KDM5A: variants seen among roughly 807,000 people sequenced by gnomAD.
KDM5A encodes lysine-specific demethylase 5A.
A neutral mutation model predicts 193.5 loss-of-function variants in KDM5A; 42 were observed. That is an observed-to-expected ratio of 0.22 (90% CI 0.17 to 0.28). The LOEUF (loss-of-function observed/expected upper bound fraction) is 0.28. Among genes scored for constraint, KDM5A ranks in the 10% least tolerant of loss-of-function variants. KDM5A has a pLI of 1.00. For missense variants in KDM5A, 1,692 were observed against 2,055.1 expected (o/e 0.82, Z 3.42); for synonymous variants, 796 against 718.1 (o/e 1.11, Z -1.73).
intron 19 of KDM5A, among the ~76,000 whole-genome samples, chr12:315,963 C>A (rs576891945): frequency 2.6e-5 from 4 of 152,010 alleles, no homozygotes; most frequent in African/African-American, 9.6e-5. Context: ...GCAAACAGAG[C>A]CAAGAAATTA....
At position 307,872 on chromosome 12, in the gene KDM5A, C is replaced by A. The variant is rs560791888; in HGVS notation, c.3512G>T (p.Ser1171Ile). 9 of 1,614,150 alleles carry A rather than the reference C, an allele frequency of 5.6e-6. No homozygotes were observed. In the South Asian group the frequency reaches 8.8e-5, roughly 16 times the overall value. The change falls in exon 23 of 28, where the codon AGT (serine) becomes ATT (isoleucine). Residue 1171 changes from serine to isoleucine, a missense_variant. Physicochemically the swap from Ser to Ile is moderately radical, Grantham distance 142. Around this residue, in one of 11 missense-constraint regions of KDM5A, gnomAD observed 965 missense variants for 1,061.0 expected, o/e 0.91. Transcript: ENST00000399788. This position sits in a 1 kb window ranked among gnomAD's most constrained non-coding sequence, Gnocchi z 4.3. ...VKFCICRKTA[S>I]GFMLQCELCK... ...GAGCTCACACTGTAGCATAAACCCACTGGCTGTCTTGCGGCAAATGCAAAA... is the reference window on the plus strand; with the variant it reads ...GAGCTCACACTGTAGCATAAACCCAATGGCTGTCTTGCGGCAAATGCAAAA...
Position 356,677 on chromosome 12 carries a change from C to T in KDM5A, c.673-140G>A, listed in dbSNP as rs948865560. ...TCTTTTCTGTAAATCCACTCACTGC[C>T]TCATTACCACAGTTGAAAACGGTCA... On this transcript the variant is annotated intron_variant, in intron 5 of 27. Transcript: ENST00000399788. 9.5e-5 allele frequency: 63 copies of T among 663,980 alleles called. 1 individual carries two copies. Among genetic ancestry groups the T allele is most frequent in the African/African-American group, 9.2e-4 (51 of 55,484 alleles). 41.1% of individuals were successfully genotyped at this position (663,980 alleles called of 1,614,324 possible).
At position 294,048 on chromosome 12, in the gene KDM5A, G is replaced by A. The variant is rs117382150; in HGVS notation, c.4456-879C>T. Among the ~76,000 whole-genome samples the A allele has an allele frequency of 3.1e-3, 477 of 152,040 alleles. 11 individuals carry two copies. The East Asian group carries it at 0.062, about 20-fold the overall frequency. ...GTACTAAATTATGTTAATAACTTTT[G>A]GGATCTTCATAATAATAAAAGTATT... On this transcript the variant is annotated intron_variant, in intron 26 of 27. Coordinates refer to ENST00000399788, the MANE Select transcript of KDM5A (RefSeq NM_001042603.3).
chr12:359,079 C>T (rs1944262610), intron 5 of KDM5A, among the ~76,000 whole-genome samples: 1 of 151,402 alleles, frequency 6.6e-6, no homozygotes, highest in African/African-American at 2.4e-5. Context: ...CAGTCTTAAA[C>T]ACTTCAATAA....
At chr12:328,050 A>AT (rs1372646361) in intron 14 of KDM5A, among the ~76,000 whole-genome samples, 1 of 152,204 alleles carries the variant, frequency 6.6e-6, no homozygotes, top group Non-Finnish European at 1.5e-5. Context: ...GAAGGACCAT[A>AT]TAAGGGCATG....
chr12:385,821 G>T, intron 2 of KDM5A, 76 bp downstream of exon 2: 2 of 1,065,846 alleles, frequency 1.9e-6, no homozygotes, highest in Non-Finnish European at 2.9e-6. Context: ...TGGTACATGA[G>T]CTTCTCAAAG....
intron 24 of KDM5A, among the ~76,000 whole-genome samples, chr12:302,657 A>G (rs914531350): frequency 1.3e-5 from 2 of 152,254 alleles, no homozygotes; most frequent in African/African-American, 4.8e-5. Flanking sequence ...CAAAAAAGGC[A>G]AAATAGACAA....
intron 10 of KDM5A, among the ~76,000 whole-genome samples, chr12:338,026 A>G (rs1943955765): frequency 6.6e-6 from 1 of 152,200 alleles, no homozygotes; most frequent in Non-Finnish European, 1.5e-5. Context: ...CTGACCCATC[A>G]ATCTTTAAAT....
intron 22 of KDM5A, among the ~76,000 whole-genome samples, chr12:309,186 C>G (rs750918055): frequency 6.6e-6 from 1 of 152,182 alleles, no homozygotes; most frequent in Non-Finnish European, 1.5e-5. Context: ...AACATCTTTA[C>G]GTTCAGTGTA....
At position 295,780 on chromosome 12, in the gene KDM5A, T is replaced by C. The variant is rs777007180; in HGVS notation, c.4248A>G (p.Pro1416=). ...AAGGGCTCTTCCGAGGTTGTTTCCT[T>C]GGGGTGCTAGAACCTTTCCCAAAAA... ...SKSCSQGSST[P]RKQPRKSPLV... The change falls in exon 26 of 28, where the codon CCA becomes CCG. Residue 1416 remains proline (P), a synonymous_variant. Coordinates refer to ENST00000399788, the MANE Select transcript of KDM5A (RefSeq NM_001042603.3). 6.2e-7 allele frequency: 1 copy of C among 1,614,054 alleles called. No individual in the cohort carries two copies. The highest frequency in any genetic ancestry group is 8.5e-7 in the Non-Finnish European group (1 of 1,179,950).
At position 336,702 on chromosome 12, in the gene KDM5A, G is replaced by A. The variant is rs369747540; in HGVS notation, c.1309-2280C>T. 3.9e-5 allele frequency among the ~76,000 whole-genome samples: 6 copies of A among 151,956 alleles called. 1 individual carries two copies. In the South Asian group the frequency reaches 1.0e-3, roughly 26 times the overall value. ...GTAAAAATACAAAAATCAGCCAAGC[G>A]TGGTGGTGCATGCCTGTGGCCCCAG... On this transcript the variant is annotated intron_variant, in intron 10 of 27. Coordinates refer to ENST00000399788, the MANE Select transcript of KDM5A (RefSeq NM_001042603.3).
In KDM5A at chr12:306,964, T is replaced by C. The variant is rs1420238570; in HGVS notation, c.4056A>G (p.Thr1352=). ...TAACTACCTTCATGTCGTAGCCATA[T>C]GTCTCTCGAATGTCTTCATCAGAGT... ...ETDSDEDIRE[T]YGYDMKDTAS... is the part of the protein sequence containing the mutation. Residue 1352 remains threonine, a synonymous_variant, in exon 24 of 28, where the codon ACA becomes ACG. Transcript: ENST00000399788. 1 of 1,613,826 alleles carries C rather than the reference T, an allele frequency of 6.2e-7. No homozygotes were observed. Among genetic ancestry groups the C allele is most frequent in the Non-Finnish European group, 8.5e-7 (1 of 1,179,964 alleles).
chr12:359,999 G>C (rs1476516910), intron 5 of KDM5A, among the ~76,000 whole-genome samples: 1 of 151,984 alleles, frequency 6.6e-6, no homozygotes, highest in Admixed American at 6.6e-5. Context: ...ATTTGGGCCG[G>C]GTGTGATGGC....
At chr12:378,723 C>T (rs994123016) in intron 3 of KDM5A, among the ~76,000 whole-genome samples, 5 of 152,172 alleles carry the variant, frequency 3.3e-5, no homozygotes, top group Non-Finnish European at 7.4e-5. Flanking sequence ...CTTTGGGAGG[C>T]CAAGGCGGGC....
Position 282,277 on chromosome 12 carries a change from A to G in KDM5A, c.*3179T>C, listed in dbSNP as rs1943164087. On this transcript the variant is annotated 3_prime_UTR_variant, in exon 28 of 28. Transcript: ENST00000399788. ...ACTTCAGCCTCCTGACCACAGGTGC[A>G]CTCTACTGCACCTGGCTGCCATGTT... 1 of 234,004 alleles carries G rather than the reference A, an allele frequency of 4.3e-6. No individual in the cohort carries two copies. Among genetic ancestry groups the G allele is most frequent in the Non-Finnish European group, 8.4e-6 (1 of 118,564 alleles). The allele number at this position is 234,004 out of a possible 1,614,324, so 14.5% of individuals were successfully genotyped here. A position where few individuals can be genotyped will look rare whatever the true frequency, so the allele number is the denominator to read the frequency against.
intron 3 of KDM5A, among the ~76,000 whole-genome samples, chr12:383,091 G>A (rs1944594411): frequency 6.6e-6 from 1 of 151,770 alleles, no homozygotes; most frequent in Non-Finnish European, 1.5e-5. Flanking sequence ...TGAGCTGTTT[G>A]GTCATCCTAC....
At chr12:386,381 G>GA (rs1240683836) in intron 1 of KDM5A, among the ~76,000 whole-genome samples, 1 of 152,194 alleles carries the variant, frequency 6.6e-6, no homozygotes, top group African/African-American at 2.4e-5. Context: ...CGTCAGAAAA[G>GA]AAAGGTGTCA....
chr12:292,426 G>C (rs946898125), intron 27 of KDM5A, among the ~76,000 whole-genome samples: 10 of 152,094 alleles, frequency 6.6e-5, no homozygotes, highest in African/African-American at 2.4e-4. Context: ...TTAGTTCTCT[G>C]AGTCACCTTA....
At chr12:322,226 G>T in intron 17 of KDM5A, 191 bp downstream of exon 17, 1 of 604,336 alleles carries the variant, frequency 1.7e-6, no homozygotes, top group Non-Finnish European at 2.9e-6. Context: ...GCAAGAGAAA[G>T]AACACTGCAG....
Sources: allele counts gnomAD v4.1 joint callset (sites outside exome capture counted in the v4.1 genomes callset), GRCh38; gene constraint gnomAD v4.1.1; regional missense constraint gnomAD v4.1.1; non-coding constraint Gnocchi (gnomAD v3.1); transcripts MANE v1.5; gene names NCBI Gene and HGNC (gene_info 2026-07-23, HGNC 2026-07-21).